Variants in TLE1 observed in about 807,000 individuals in gnomAD.
TLE1 encodes the protein TLE family member 1, transcriptional corepressor, also known as transducin-like enhancer protein 1.
TLE1 carries 21 observed loss-of-function variants against 89.8 expected under a neutral mutation model. The observed-to-expected ratio is 0.23, with a 90% CI of 0.17 to 0.34. TLE1 has a LOEUF of 0.34. Among genes scored for constraint, TLE1 ranks in the 10% least tolerant of loss-of-function variants. The pLI is 1.00. For synonymous variants in TLE1, 447 were observed against 407.6 expected (o/e 1.10, Z -1.16); for missense variants, 795 against 1,031.2 (o/e 0.77, Z 3.14).
chr9:81,659,026 A>G (rs1430813606), intron 4 of TLE1, among the ~76,000 whole-genome samples: 1 of 151,954 alleles, frequency 6.6e-6, no homozygotes, highest in Non-Finnish European at 1.5e-5. Context: ...CTCCTTCCTC[A>G]GCCTCGCGAG....
chr9:81,651,234 C>A (rs1486948383), intron 6 of TLE1, among the ~76,000 whole-genome samples: 8 of 152,174 alleles, frequency 5.3e-5, no homozygotes, highest in Non-Finnish European at 8.8e-5. Context: ...CTGCTCAAGG[C>A]ACTCACATAT....
At chr9:81,586,017 C>CTTT (rs560998726) in intron 17 of TLE1, among the ~76,000 whole-genome samples, 13 of 128,914 alleles carry the variant, frequency 1.0e-4, no homozygotes, top group East Asian at 2.3e-4. Flanking sequence ...CGTTAGGTGA[C>CTTT]TTTTTTTTTT....
chr9:81,652,145 C>CACACA, intron 6 of TLE1, 69 bp downstream of exon 6: 8 of 1,129,112 alleles, frequency 7.1e-6, no homozygotes, highest in South Asian at 2.7e-5. Flanking sequence ...ACACGTAAAG[C>CACACA]CATCAAATTA....
At chr9:81,678,174 T>C (rs1236352908) in intron 4 of TLE1, among the ~76,000 whole-genome samples, 1 of 152,220 alleles carries the variant, frequency 6.6e-6, no homozygotes, top group Non-Finnish European at 1.5e-5. Flanking sequence ...TTATGATTTT[T>C]ATATTGCTTC....
intron 11 of TLE1, 87 bp downstream of exon 11, chr9:81,615,895 C>T (rs898426842): frequency 6.6e-7 from 1 of 1,525,530 alleles, no homozygotes; most frequent in Non-Finnish European, 8.9e-7. Flanking sequence ...AGCAGCAAAA[C>T]CCCCACATTT....
chr9:81,602,075 A>G (rs1241048403), intron 14 of TLE1, among the ~76,000 whole-genome samples: 1 of 152,222 alleles, frequency 6.6e-6, no homozygotes, highest in Admixed American at 6.5e-5. Context: ...GAAGGCATCC[A>G]TGAAGGCTTC....
rs1564115721 is a variant in TLE1 at position 81,593,140 on chromosome 9, G to A, written c.1466C>T (p.Ala489Val). ...TCTCGTGGGGTTGCTGATGGTCACA[G>A]CGCACACCACCTCCCCGTGGTTGAG... ...NTLNHGEVVC[A>V]VTISNPTRHV... is the part of the protein sequence containing the mutation. The change falls in exon 15 of 20, where the codon GCT becomes GTT. Residue 489 changes from alanine (A) to valine (V), a missense_variant. Physicochemically the swap from Ala to Val is moderately conservative, Grantham distance 64. Transcript: ENST00000376499. 1 of 1,614,182 alleles carries A rather than the reference G, an allele frequency of 6.2e-7. No homozygotes were observed. Among genetic ancestry groups the A allele is most frequent in the South Asian group, 1.1e-5 (1 of 91,084 alleles).
At chr9:81,632,473 CCCTTT>C (rs1344236072) in intron 8 of TLE1, among the ~76,000 whole-genome samples, 1 of 49,926 alleles carries the variant, frequency 2.0e-5, no homozygotes, top group Non-Finnish European at 4.8e-5. Context: ...TGTTCAGTAT[CCCTTT>C]TTTTTTTTTT....
intron 5 of TLE1, 122 bp from the exon 6 acceptor site, chr9:81,652,410 AT>A (rs1829670387): frequency 2.9e-6 from 2 of 684,622 alleles, no homozygotes; most frequent in Non-Finnish European, 4.9e-6. Context: ...TAAATGCAGA[AT>A]TTCTCAACCA....
rs754082988 is a variant in TLE1, at chr9:81,590,999, G to A, written c.1635C>T (p.Leu545=). 3 of 1,614,148 alleles carry A rather than the reference G, an allele frequency of 1.9e-6. No homozygotes were observed. In the African/African-American group the frequency reaches 4.0e-5, roughly 22 times the overall value. Residue 545 remains leucine (L), a synonymous_variant, in exon 16 of 20, where the codon CTC becomes CTT. Transcript: ENST00000376499. ...SCKLLPDGCT[L]IVGGEASTLS... is the part of the protein sequence containing the mutation. ...AAGTACTGGCTTCCCCTCCCACTAT[G>A]AGAGTGCAGCCATCGGGTAGCAATT... is the stretch of plus-strand genomic sequence containing the variant.
intron 14 of TLE1, among the ~76,000 whole-genome samples, chr9:81,596,080 G>A (rs1052796719): frequency 6.6e-6 from 1 of 152,124 alleles, no homozygotes; most frequent in Non-Finnish European, 1.5e-5. Flanking sequence ...CTGGAAGCCT[G>A]CTTATCATAG....
chr9:81,665,811 G>A (rs961847122), intron 4 of TLE1, among the ~76,000 whole-genome samples: 3 of 151,350 alleles, frequency 2.0e-5, no homozygotes, highest in African/African-American at 4.9e-5. Context: ...ATGGTCTTTT[G>A]ATTTATTTGC....
At chr9:81,615,744 A>G (rs958398696) in intron 11 of TLE1, among the ~76,000 whole-genome samples, 3 of 151,708 alleles carry the variant, frequency 2.0e-5, no homozygotes, top group Non-Finnish European at 4.4e-5. Context: ...AAGAAGAAGA[A>G]GAAGGCAATG....
Position 81,660,934 on chromosome 9 carries a change from A to AACACACACACACAC in TLE1, c.235-6912_235-6899dup, listed in dbSNP as rs548190067. Among the ~76,000 whole-genome samples, 136 of 88,848 alleles carry AACACACACACACAC rather than the reference A, an allele frequency of 1.5e-3. 1 individual carries two copies. Among genetic ancestry groups the AACACACACACACAC allele is most frequent in the African/African-American group, 4.9e-3 (115 of 23,424 alleles). The allele number at this position is 88,848 out of a possible 152,430, so 58.3% of individuals were successfully genotyped here. ...ACACGGTGAAACCCCATCCCTACTA[A>AACACACACACACAC]ACACACACACACACACACACACACA... On this transcript the variant is annotated intron_variant, in intron 4 of 19. Coordinates refer to ENST00000376499, the MANE Select transcript of TLE1 (RefSeq NM_005077.5).
At chr9:81,596,953 T>C (rs1056913034) in intron 14 of TLE1, among the ~76,000 whole-genome samples, 2 of 152,208 alleles carry the variant, frequency 1.3e-5, no homozygotes, top group African/African-American at 4.8e-5. Flanking sequence ...CATTTACTTA[T>C]TCAAGAGGAA....
intron 8 of TLE1, among the ~76,000 whole-genome samples, chr9:81,632,076 C>A (rs374527572): frequency 1.3e-5 from 2 of 151,302 alleles, no homozygotes; most frequent in African/African-American, 4.9e-5. Context: ...GGTGACAGAG[C>A]GAAGACTCCA....
At chr9:81,687,105 G>C (rs924554782) in intron 2 of TLE1, among the ~76,000 whole-genome samples, 1 of 152,198 alleles carries the variant, frequency 6.6e-6, no homozygotes, top group Non-Finnish European at 1.5e-5. Context: ...GGACTCCCTG[G>C]AACAGTGCAA....
intron 18 of TLE1, among the ~76,000 whole-genome samples, chr9:81,584,763 C>G (rs1216483569): frequency 6.6e-6 from 1 of 152,106 alleles, no homozygotes; most frequent in Non-Finnish European, 1.5e-5. Context: ...CTAGTAGCAT[C>G]ATATCCAACA....
intron 4 of TLE1, among the ~76,000 whole-genome samples, chr9:81,665,021 C>T (rs1048783873): frequency 9.9e-5 from 15 of 152,196 alleles, no homozygotes; most frequent in African/African-American, 3.6e-4. Flanking sequence ...CATGTGGACA[C>T]CAGGTCCCCT....
Sources: gnomAD v4.1 joint callset for allele counts (sites outside exome capture counted in the v4.1 genomes callset) on GRCh38, gnomAD v4.1.1 for gene constraint, MANE v1.5 for transcripts, NCBI Gene and HGNC (gene_info 2026-07-23, HGNC 2026-07-21) for gene names.